Variants in FSTL5 observed in about 807,000 individuals in gnomAD.
The protein encoded by FSTL5 is follistatin like 5, also known as follistatin-related protein 5.
In FSTL5, 62 loss-of-function variants were observed where a neutral mutation model predicts 89.1. That is an observed-to-expected ratio of 0.70 (90% confidence interval 0.57 to 0.86). The LOEUF (loss-of-function observed/expected upper bound fraction) is 0.86, where lower values mean the gene tolerates loss of function less well. FSTL5 is among the 40% of genes least tolerant of loss of function. The pLI is 0.00. For missense variants in FSTL5, 1,057 were observed against 1,001.6 expected, an observed-to-expected ratio of 1.06 and a Z score of -0.75; for synonymous variants, 383 against 346.2, an observed-to-expected ratio of 1.11 and a Z score of -1.18.
At chr4:161,899,758 T>C (rs1733291233) in intron 4 of FSTL5, among the ~76,000 whole-genome samples, 1 of 152,178 alleles carries the variant, frequency 6.6e-6, no homozygotes, top group Non-Finnish European at 1.5e-5. Flanking sequence ...AGTGAACTCC[T>C]TCTAGTACAG....
chr4:162,092,159 C>T (rs1730574719), intron 2 of FSTL5, among the ~76,000 whole-genome samples: 1 of 151,922 alleles, frequency 6.6e-6, no homozygotes, highest in Admixed American at 6.6e-5. Context: ...TTATAAATAT[C>T]CATGCTGGAT....
chr4:161,470,135 A>G lies in FSTL5; in HGVS notation c.1609-10816T>C, dbSNP rs115972804. On this transcript the variant is annotated intron_variant, in intron 13 of 15. Transcript: ENST00000306100. ...GTCCAATTTATGTAATTTTTCTTTG[A>G]TTGCTTGTGCCTTTGTTGTCACATC... is the stretch of plus-strand genomic sequence containing the variant. 3.4e-3 allele frequency among the ~76,000 whole-genome samples: 520 copies of G among 152,138 alleles called. 3 individuals are homozygous for G. Among genetic ancestry groups the G allele is most frequent in the African/African-American group, 0.011 (470 of 41,494 alleles).
At chr4:161,861,248 C>A (rs970973025) in intron 4 of FSTL5, among the ~76,000 whole-genome samples, 2 of 152,082 alleles carry the variant, frequency 1.3e-5, no homozygotes, top group African/African-American at 4.8e-5. Context: ...CATGGTGAAA[C>A]CCCGTATCTA....
intron 10 of FSTL5, among the ~76,000 whole-genome samples, chr4:161,518,320 T>C (rs1050697368): frequency 1.4e-4 from 21 of 152,074 alleles, no homozygotes; most frequent in African/African-American, 4.6e-4. Context: ...AATCAAGAAA[T>C]GACACTTGGA....
chr4:161,630,378 G>A (rs1237451119), intron 7 of FSTL5, among the ~76,000 whole-genome samples: 1 of 152,134 alleles, frequency 6.6e-6, no homozygotes, highest in Non-Finnish European at 1.5e-5. Flanking sequence ...CAGCTACTAT[G>A]GCACCTGGCA....
intron 15 of FSTL5, among the ~76,000 whole-genome samples, chr4:161,430,877 C>T (rs552137760): frequency 6.6e-6 from 1 of 152,036 alleles, no homozygotes; most frequent in Admixed American, 6.5e-5. Flanking sequence ...TCAGTGGAAA[C>T]CTTATTGGCT....
chr4:161,625,963 G>T (rs1735302492), intron 7 of FSTL5, among the ~76,000 whole-genome samples: 1 of 152,042 alleles, frequency 6.6e-6, no homozygotes, highest in Non-Finnish European at 1.5e-5. Context: ...ATTTTATGGA[G>T]GCTGAGATAT....
chr4:161,649,835 G>A (rs564751108), intron 7 of FSTL5, among the ~76,000 whole-genome samples: 1 of 152,266 alleles, frequency 6.6e-6, no homozygotes, highest in African/African-American at 2.4e-5. Context: ...AACAATAAGT[G>A]TCATTTATCT....
chr4:161,395,244 T>G (rs1730956900), intron 15 of FSTL5, among the ~76,000 whole-genome samples: 1 of 152,052 alleles, frequency 6.6e-6, no homozygotes, highest in African/African-American at 2.4e-5. Context: ...TAGGTAACAC[T>G]AGAAAATAAA....
chr4:161,878,654 G>A (rs368512392), intron 4 of FSTL5, among the ~76,000 whole-genome samples: 134 of 152,094 alleles, frequency 8.8e-4, no homozygotes, highest in African/African-American at 2.6e-3. Context: ...AATAAGGTCT[G>A]ATTATGAATT....
chr4:161,900,004 A>G (rs72691281), intron 4 of FSTL5, among the ~76,000 whole-genome samples: 17,684 of 151,948 alleles, frequency 0.12, 1,158 homozygotes, highest in East Asian at 0.17. Context: ...AGAACAGCCT[A>G]GGCAACATGG....
intron 6 of FSTL5, among the ~76,000 whole-genome samples, chr4:161,662,116 T>A (rs1368490737): frequency 6.6e-6 from 1 of 152,172 alleles, no homozygotes; most frequent in Admixed American, 6.5e-5. Context: ...TGTGTCCATC[T>A]CTGTGCTAAG....
intron 15 of FSTL5, among the ~76,000 whole-genome samples, chr4:161,389,209 A>T (rs1730742191): frequency 6.6e-6 from 1 of 152,142 alleles, no homozygotes; most frequent in African/African-American, 2.4e-5. Context: ...GCTTAGTATA[A>T]TAAAATCCTG....
At chr4:161,810,100 T>C (rs1730091554) in intron 4 of FSTL5, among the ~76,000 whole-genome samples, 2 of 152,248 alleles carry the variant, frequency 1.3e-5, no homozygotes, top group South Asian at 4.1e-4. Context: ...GATGGTTATA[T>C]GAACCTGTAG....
At chr4:161,801,994 T>C (rs1182440188) in intron 4 of FSTL5, among the ~76,000 whole-genome samples, 1 of 151,704 alleles carries the variant, frequency 6.6e-6, no homozygotes, top group African/African-American at 2.4e-5. Context: ...GCCATGACAG[T>C]GGATAGAATT....
intron 2 of FSTL5, among the ~76,000 whole-genome samples, chr4:162,079,559 C>T (rs1391848684): frequency 6.6e-6 from 1 of 151,500 alleles, no homozygotes; most frequent in Non-Finnish European, 1.5e-5. Context: ...TTTTTATATA[C>T]TGCCCTTAAA....
At chr4:162,096,945 T>C (rs1241663910) in intron 2 of FSTL5, among the ~76,000 whole-genome samples, 2 of 151,950 alleles carry the variant, frequency 1.3e-5, no homozygotes, top group Non-Finnish European at 2.9e-5. Context: ...GTAGGATTGA[T>C]TATCCTTTGT....
At chr4:161,852,156 C>A (rs1391094552) in intron 4 of FSTL5, among the ~76,000 whole-genome samples, 1 of 144,784 alleles carries the variant, frequency 6.9e-6, no homozygotes, top group Non-Finnish European at 1.5e-5. Context: ...ATTGAATACA[C>A]TCTTTCAACA....
chr4:161,964,032 CCT>C (rs1181328918), intron 3 of FSTL5, among the ~76,000 whole-genome samples: 2 of 151,750 alleles, frequency 1.3e-5, no homozygotes, highest in Non-Finnish European at 1.5e-5. Context: ...TAAGTAATAC[CCT>C]TTTTTCTCTA....
Sources: allele counts gnomAD v4.1 joint callset (sites outside exome capture counted in the v4.1 genomes callset), GRCh38; gene constraint gnomAD v4.1.1; transcripts MANE v1.5; gene names NCBI Gene and HGNC (gene_info 2026-07-23, HGNC 2026-07-21).